Variants in FRMPD4 observed in about 807,000 individuals in gnomAD.
FRMPD4 encodes FERM and PDZ domain containing 4.
FRMPD4 carries 22 observed loss-of-function variants against 94.1 expected under a neutral mutation model. The ratio of observed to expected loss-of-function variants is 0.23; its 90% confidence interval spans 0.17 to 0.33. FRMPD4 has a LOEUF of 0.33. Ranked by LOEUF, FRMPD4 falls within the 10% of genes least tolerant of loss-of-function variation. FRMPD4 has a pLI of 1.00. For synonymous variants in FRMPD4, 631 were observed against 548.6 expected, an observed-to-expected ratio of 1.15 and a Z score of -2.10; for missense variants, 1,111 against 1,339.9, an observed-to-expected ratio of 0.83 and a Z score of 2.67.
At chrX:12,360,998 G>A (rs753192633) in intron 1 of FRMPD4, among the ~76,000 whole-genome samples, 210 of 105,699 alleles carry the variant, frequency 2.0e-3, no homozygotes, top group Non-Finnish European at 3.3e-3. Flanking sequence ...GAACCCTGCA[G>A]ACCTAAAGGA....
intron 3 of FRMPD4, among the ~76,000 whole-genome samples, chrX:12,005,049 T>C (rs1468725071): frequency 8.9e-6 from 1 of 112,487 alleles, no homozygotes; most frequent in Non-Finnish European, 1.9e-5. Flanking sequence ...AGGGAATGTT[T>C]TAAATGCCTA....
At chrX:11,913,956 G>A (rs2054009728) in intron 3 of FRMPD4, among the ~76,000 whole-genome samples, 1 of 112,098 alleles carries the variant, frequency 8.9e-6, no homozygotes, top group South Asian at 3.7e-4. Context: ...GAAAGAGAAT[G>A]ACATGTTTTT....
intron 1 of FRMPD4, chrX:12,149,120 G>A (rs1392622812): frequency 8.9e-6 from 1 of 111,762 alleles, no homozygotes; most frequent in Non-Finnish European, 1.9e-5. Context: ...ATTATTTAAG[G>A]AATTTGGCTG....
At chrX:12,172,857 A>C (rs1203854390) in intron 1 of FRMPD4, among the ~76,000 whole-genome samples, 1 of 112,820 alleles carries the variant, frequency 8.9e-6, no homozygotes, top group Non-Finnish European at 1.9e-5. Context: ...TGTTATCTGC[A>C]GGGATGTGAT....
chrX:12,462,009 C>A (rs1324918939), intron 1 of FRMPD4, among the ~76,000 whole-genome samples: 1 of 111,589 alleles, frequency 9.0e-6, no homozygotes, highest in African/African-American at 3.3e-5. Flanking sequence ...CTGTGGCTTT[C>A]TACCTTGCTG....
rs2056948439 is a variant in FRMPD4, at chrX:12,228,487, A to G, written c.41+89475A>G. Among the ~76,000 whole-genome samples the G allele has an allele frequency of 3.6e-5, 4 of 112,049 alleles. No homozygotes were observed. In the South Asian group the frequency reaches 1.5e-3, roughly 42 times the overall value. ...ATTGCTTTACTTCTTGCTTATATTC[A>G]AGGTCAGTTAGAAACTCAGCATTTT... On this transcript the variant is annotated intron_variant, in intron 1 of 16. Transcript: ENST00000675598.
intron 1 of FRMPD4, among the ~76,000 whole-genome samples, chrX:12,387,899 T>A (rs2056418826): frequency 9.1e-6 from 1 of 109,388 alleles, no homozygotes; most frequent in Admixed American, 9.8e-5. Flanking sequence ...GTGGTGTAAT[T>A]GGCCATTGAC....
intron 1 of FRMPD4, among the ~76,000 whole-genome samples, chrX:12,240,524 C>T (rs2057117244): frequency 9.0e-6 from 1 of 111,041 alleles, no homozygotes; most frequent in South Asian, 3.7e-4. Context: ...ACTATGACTT[C>T]GTCTTATTTT....
intron 1 of FRMPD4, among the ~76,000 whole-genome samples, chrX:11,845,899 T>G (rs1343083237): frequency 9.3e-6 from 1 of 107,657 alleles, no homozygotes; most frequent in Admixed American, 1.0e-4. Context: ...AAGAGCTATC[T>G]ATGACAAACC....
intron 3 of FRMPD4, among the ~76,000 whole-genome samples, chrX:12,124,576 C>G (rs1193058569): frequency 8.9e-6 from 1 of 112,306 alleles, no homozygotes; most frequent in Non-Finnish European, 1.9e-5. Context: ...GTGAATGAAA[C>G]TCTATTCTTA....
At chrX:12,609,317 G>A (rs2059158596) in intron 2 of FRMPD4, among the ~76,000 whole-genome samples, 1 of 111,567 alleles carries the variant, frequency 9.0e-6, no homozygotes, top group South Asian at 3.8e-4. Flanking sequence ...AGAGCCAACT[G>A]CATTCTACAG....
rs1344826571 is a variant in FRMPD4 at position 12,244,900 on chromosome X, G to A, written c.41+105888G>A. ...TGGCCCTGAGTGTGAGTTGGGGAGA[G>A]GAGAGGGGTGGCATAGGCAGGGTCC... is the stretch of plus-strand genomic sequence containing the variant. On this transcript the variant is annotated intron_variant, in intron 1 of 16. Transcript: ENST00000675598. 3.6e-5 allele frequency among the ~76,000 whole-genome samples: 4 copies of A among 112,302 alleles called. No individual in the cohort carries two copies. The East Asian group carries it at 1.1e-3, about 32-fold the overall frequency.
chrX:12,168,558 T>A (rs772315340), intron 1 of FRMPD4, among the ~76,000 whole-genome samples: 4 of 109,656 alleles, frequency 3.6e-5, no homozygotes, highest in Non-Finnish European at 7.6e-5. Context: ...TAAGTTAGTT[T>A]AAGTTTCTGA....
rs757368234 is a variant in FRMPD4, at chrX:12,707,637, G to A, written c.1456G>A (p.Val486Met). 2 of 1,199,161 alleles carry A rather than the reference G, an allele frequency of 1.7e-6. No homozygotes were observed. The highest frequency in any genetic ancestry group is 1.1e-6 in the Non-Finnish European group (1 of 889,174). ...EESLVRVELH[V>M]LDVKPITLLM... ...GAGCTTGGTGCGGGTAGAACTCCAC[G>A]TGCTAGATGTGAAGGCAAGTTTCTC... Residue 486 changes from valine to methionine, a missense_variant, in exon 13 of 17, where the codon GTG becomes ATG. Coordinates refer to ENST00000675598, the MANE Select transcript of FRMPD4 (RefSeq NM_001368397.1).
At chrX:11,905,377 C>T (rs761075898) in intron 3 of FRMPD4, among the ~76,000 whole-genome samples, 2 of 111,666 alleles carry the variant, frequency 1.8e-5, no homozygotes, top group East Asian at 5.6e-4. Flanking sequence ...AGCCTGGGAC[C>T]TTGGTGATAT....
chrX:12,554,584 T>A (rs770786097), intron 2 of FRMPD4, among the ~76,000 whole-genome samples: 1 of 112,206 alleles, frequency 8.9e-6, no homozygotes, highest in Non-Finnish European at 1.9e-5. Flanking sequence ...TAGATGTATA[T>A]ATGCACACTG....
At chrX:11,880,790 G>A (rs1418084769) in intron 3 of FRMPD4, among the ~76,000 whole-genome samples, 3 of 111,114 alleles carry the variant, frequency 2.7e-5, no homozygotes, top group Admixed American at 9.6e-5. Context: ...TTACAGGCAC[G>A]CACCACCACA....
chrX:11,912,473 G>C (rs1398997526), intron 3 of FRMPD4, among the ~76,000 whole-genome samples: 1 of 112,077 alleles, frequency 8.9e-6, no homozygotes, highest in Admixed American at 9.5e-5. Context: ...ACACATAAAA[G>C]AAATATAAAG....
intron 1 of FRMPD4, among the ~76,000 whole-genome samples, chrX:12,204,915 T>C (rs1363431911): frequency 9.0e-6 from 1 of 110,529 alleles, no homozygotes; most frequent in Admixed American, 9.6e-5. Flanking sequence ...ACACCTGTTG[T>C]AAATTGCCCC....
Sources: gnomAD v4.1 joint callset for allele counts (sites outside exome capture counted in the v4.1 genomes callset) on GRCh38, gnomAD v4.1.1 for gene constraint, MANE v1.5 for transcripts, NCBI Gene and HGNC (gene_info 2026-07-23, HGNC 2026-07-21) for gene names.